The following ERBB4 variants were observed in gnomAD, a reference collection of about 807,000 sequenced individuals.
ERBB4 encodes receptor tyrosine-protein kinase erbB-4.
In ERBB4, 42 loss-of-function variants were observed where a neutral mutation model predicts 158.0. That is an observed-to-expected ratio of 0.27 (90% CI 0.21 to 0.34). The LOEUF (loss-of-function observed/expected upper bound fraction) is 0.34, where lower values mean the gene tolerates loss of function less well. Among genes scored for constraint, ERBB4 ranks in the 10% least tolerant of loss-of-function variants. The pLI is 1.00. For synonymous variants in ERBB4, 583 were observed against 558.7 expected, an observed-to-expected ratio of 1.04 and a Z score of -0.61; for missense variants, 1,333 against 1,624.1, an observed-to-expected ratio of 0.82 and a Z score of 3.08.
intron 20 of ERBB4, among the ~76,000 whole-genome samples, chr2:211,560,102 G>T (rs1012770539): frequency 1.3e-5 from 2 of 151,946 alleles, no homozygotes; most frequent in East Asian, 1.9e-4. Flanking sequence ...AAGGCAAAAA[G>T]GTATAAAACT....
chr2:211,686,969 G>A (rs192401457), intron 12 of ERBB4, among the ~76,000 whole-genome samples: 2 of 152,174 alleles, frequency 1.3e-5, no homozygotes, highest in Admixed American at 6.5e-5. Flanking sequence ...CACAGAGAGT[G>A]TAAGCTGCCC....
intron 16 of ERBB4, among the ~76,000 whole-genome samples, chr2:211,649,547 G>A (rs1424918521): frequency 1.3e-5 from 2 of 151,844 alleles, no homozygotes; most frequent in African/African-American, 4.8e-5. Context: ...TTGAACAAAG[G>A]AGTTGCTTTG....
chr2:212,535,405 T>C (rs183334649), intron 1 of ERBB4, among the ~76,000 whole-genome samples: 1 of 152,252 alleles, frequency 6.6e-6, no homozygotes, highest in African/African-American at 2.4e-5. Context: ...AAATGAAAAA[T>C]AACCCCATGA....
chr2:211,598,521 T>G (rs2068705144), intron 19 of ERBB4, among the ~76,000 whole-genome samples: 1 of 152,180 alleles, frequency 6.6e-6, no homozygotes, highest in African/African-American at 2.4e-5. Flanking sequence ...CTGGGGTATG[T>G]TGAATCCTCT....
chr2:212,379,648 G>A (rs969837604), intron 1 of ERBB4, among the ~76,000 whole-genome samples: 1 of 151,230 alleles, frequency 6.6e-6, no homozygotes, highest in Non-Finnish European at 1.5e-5. Flanking sequence ...TGGGAAAAAA[G>A]AAAATGGAAA....
At chr2:211,697,802 T>G (rs953669684) in intron 12 of ERBB4, among the ~76,000 whole-genome samples, 1 of 152,218 alleles carries the variant, frequency 6.6e-6, no homozygotes, top group Non-Finnish European at 1.5e-5. Context: ...TTAGTATTTT[T>G]GGAAGATGAC....
intron 2 of ERBB4, among the ~76,000 whole-genome samples, chr2:211,991,411 G>A (rs934297648): frequency 1.3e-5 from 2 of 151,684 alleles, no homozygotes; most frequent in African/African-American, 4.8e-5. Flanking sequence ...AAAACAAAAC[G>A]AAGCAACAAA....
intron 2 of ERBB4, among the ~76,000 whole-genome samples, chr2:211,955,007 C>T (rs983962119): frequency 3.9e-5 from 6 of 151,938 alleles, no homozygotes; most frequent in Non-Finnish European, 7.4e-5. Context: ...GATTGTGCCA[C>T]CCTGGCAAGG....
chr2:212,201,908 A>G (rs745555306), intron 1 of ERBB4, among the ~76,000 whole-genome samples: 11 of 152,328 alleles, frequency 7.2e-5, no homozygotes, highest in Non-Finnish European at 1.5e-4. Flanking sequence ...ACTTATATGA[A>G]TTATTTTATT....
At chr2:212,100,273 G>A (rs1053064823) in intron 2 of ERBB4, among the ~76,000 whole-genome samples, 1 of 152,154 alleles carries the variant, frequency 6.6e-6, no homozygotes, top group African/African-American at 2.4e-5. Flanking sequence ...ATCAAAAAGT[G>A]TAAGGACAAG....
chr2:212,463,080 A>C (rs547451325), intron 1 of ERBB4, among the ~76,000 whole-genome samples: 4 of 152,232 alleles, frequency 2.6e-5, no homozygotes, highest in African/African-American at 9.6e-5. Context: ...ATAGAGTAGA[A>C]CAGTGGTTTG....
chr2:212,061,856 C>G (rs1462398729), intron 2 of ERBB4, among the ~76,000 whole-genome samples: 1 of 151,824 alleles, frequency 6.6e-6, no homozygotes, highest in Non-Finnish European at 1.5e-5. Context: ...CTGCCTCAGC[C>G]TCCTGAGTAG....
At chr2:211,643,076 C>A (rs1489393728) in intron 16 of ERBB4, among the ~76,000 whole-genome samples, 6 of 152,122 alleles carry the variant, frequency 3.9e-5, no homozygotes, top group African/African-American at 1.4e-4. Flanking sequence ...GTCCAAGTCC[C>A]AGGCTGACTG....
chr2:211,636,131 T>C (rs566449669), intron 16 of ERBB4, among the ~76,000 whole-genome samples: 25 of 151,980 alleles, frequency 1.6e-4, no homozygotes, highest in Non-Finnish European at 2.8e-4. Flanking sequence ...AAAAAGTATA[T>C]AAGAAGGAAA....
chr2:212,088,329 TG>T (rs1019493118), intron 2 of ERBB4, among the ~76,000 whole-genome samples: 2 of 152,260 alleles, frequency 1.3e-5, no homozygotes, highest in South Asian at 4.1e-4. Context: ...TAGAGGAGTC[TG>T]GGAATTATCA....
rs533209498 is a variant in ERBB4 at position 211,815,176 on chromosome 2, C to A, written c.422-27017G>T. Among the ~76,000 whole-genome samples, 4 of 152,094 alleles carry A rather than the reference C, an allele frequency of 2.6e-5. No homozygotes were observed. In the East Asian group the frequency reaches 5.8e-4, roughly 22 times the overall value. On this transcript the variant is annotated intron_variant, in intron 3 of 27. Transcript: ENST00000342788. ...ATGCTTGCTACATTTCAACGCAAAG[C>A]AATTATATGATAAAGAAAGTAACTC...
At chr2:212,515,793 AC>A (rs1691805591) in intron 1 of ERBB4, among the ~76,000 whole-genome samples, 1 of 152,068 alleles carries the variant, frequency 6.6e-6, no homozygotes, top group Non-Finnish European at 1.5e-5. Context: ...ACCATTAAAT[AC>A]CAAAAGCTTA....
At chr2:212,370,369 G>T (rs1253052127) in intron 1 of ERBB4, among the ~76,000 whole-genome samples, 1 of 152,086 alleles carries the variant, frequency 6.6e-6, no homozygotes, top group Non-Finnish European at 1.5e-5. Context: ...TTTCCTCATA[G>T]CATCATGATA....
chr2:211,570,529 A>AG (rs1326646199), intron 19 of ERBB4, among the ~76,000 whole-genome samples: 2 of 63,830 alleles, frequency 3.1e-5, no homozygotes, highest in Non-Finnish European at 4.3e-5. Context: ...ATCTCTGGGC[A>AG]GGGAAAAAAA....
Sources: allele counts gnomAD v4.1 joint callset (sites outside exome capture counted in the v4.1 genomes callset), GRCh38; gene constraint gnomAD v4.1.1; transcripts MANE v1.5; gene names NCBI Gene and HGNC (gene_info 2026-07-23, HGNC 2026-07-21).